The following RNF144B variants were observed in gnomAD, a reference collection of about 807,000 sequenced individuals.
The protein encoded by RNF144B is ring finger protein 144B.
In RNF144B, 25 loss-of-function variants were observed where a neutral mutation model predicts 40.2. That is an observed-to-expected ratio of 0.62 (90% CI 0.45 to 0.87). The LOEUF (loss-of-function observed/expected upper bound fraction) is 0.87, where lower values mean the gene tolerates loss of function less well. Among genes scored for constraint, RNF144B ranks in the 40% least tolerant of loss-of-function variants. The pLI, the probability that RNF144B is intolerant of heterozygous loss-of-function variation, is 0.00. For missense variants in RNF144B, 365 were observed against 373.7 expected (o/e 0.98, Z 0.19); for synonymous variants, 145 against 136.3 (o/e 1.06, Z -0.44).
In RNF144B at chr6:18,458,040, C is replaced by A. The variant is rs1346311895; in HGVS notation, c.536+681C>A. Among the ~76,000 whole-genome samples the A allele has an allele frequency of 2.6e-5, 4 of 151,966 alleles. No individual in the cohort carries two copies. The highest frequency in any genetic ancestry group is 5.9e-5 in the Non-Finnish European group (4 of 68,004). ...GCAACCACTGCCTCCTGGGTTCAAG[C>A]GATTCTCCTGCCTCAGCCTCCCGAT... On this transcript the variant is annotated intron_variant, in intron 5 of 7. Transcript: ENST00000259939. The surrounding 1 kb of genome is among the most constrained non-coding windows in gnomAD (Gnocchi z 4.8).
At chr6:18,417,236 A>G (rs1343520751) in intron 2 of RNF144B, among the ~76,000 whole-genome samples, 1 of 152,164 alleles carries the variant, frequency 6.6e-6, no homozygotes, top group Non-Finnish European at 1.5e-5. Flanking sequence ...TTATCCCAAA[A>G]TTCCTATGGA....
intron 3 of RNF144B, among the ~76,000 whole-genome samples, chr6:18,428,825 A>G (rs4716247): frequency 0.13 from 19,367 of 152,150 alleles, 1,369 homozygotes; most frequent in Admixed American, 0.19. Flanking sequence ...ACCCAAAACC[A>G]CATATCTAGA....
chr6:18,389,343 G>A (rs1023343469), intron 1 of RNF144B, among the ~76,000 whole-genome samples: 1 of 152,172 alleles, frequency 6.6e-6, no homozygotes, highest in Non-Finnish European at 1.5e-5. Context: ...AGAGAGAAGA[G>A]TATGCTCTCT....
In RNF144B at chr6:18,418,474, A is replaced by G. The variant is rs899058902; in HGVS notation, c.166-9107A>G. ...TAAGTGAAGCCATTGACAAAGGACC[A>G]TATATTGTATCATTCCATTTATATG... On this transcript the variant is annotated intron_variant, in intron 2 of 7. Transcript: ENST00000259939. The surrounding 1 kb of genome is among the most constrained non-coding windows in gnomAD (Gnocchi z 5.2). Among the ~76,000 whole-genome samples, 2 of 152,188 alleles carry G rather than the reference A, an allele frequency of 1.3e-5. No individual in the cohort carries two copies. Among genetic ancestry groups the G allele is most frequent in the Non-Finnish European group, 2.9e-5 (2 of 68,020 alleles).
chr6:18,396,348 G>A (rs886252701), intron 1 of RNF144B: 1 of 924,610 alleles, frequency 1.1e-6, no homozygotes, highest in East Asian at 1.2e-4. Context: ...TTTCTAAGAG[G>A]TATCCCAATT....
At chr6:18,455,688 T>C (rs1759307758) in intron 4 of RNF144B, among the ~76,000 whole-genome samples, 1 of 152,126 alleles carries the variant, frequency 6.6e-6, no homozygotes, top group Non-Finnish European at 1.5e-5. Context: ...TTAAAGGTCA[T>C]AGTATATGGA....
Position 18,419,399 on chromosome 6 carries a change from A to G in RNF144B, c.166-8182A>G, listed in dbSNP as rs1795208824. On this transcript the variant is annotated intron_variant, in intron 2 of 7. Coordinates refer to ENST00000259939, the MANE Select transcript of RNF144B (RefSeq NM_182757.4). The surrounding 1 kb of genome is among the most constrained non-coding windows in gnomAD (Gnocchi z 4.6). ...AGCAAATAGGCAGTGGACTAGCACA[A>G]CTGGTTCTATATAGCAAATGAGGCG... Among the ~76,000 whole-genome samples the G allele has an allele frequency of 6.6e-6, 1 of 152,160 alleles. No homozygotes were observed. Among genetic ancestry groups the G allele is most frequent in the South Asian group, 2.1e-4 (1 of 4,828 alleles).
At chr6:18,404,013 C>G (rs1280377990) in intron 2 of RNF144B, among the ~76,000 whole-genome samples, 1 of 152,188 alleles carries the variant, frequency 6.6e-6, no homozygotes, top group Non-Finnish European at 1.5e-5. Flanking sequence ...CAAGCCATTC[C>G]CCAACTAGGT....
rs1015070695 is a variant in RNF144B at position 18,448,281 on chromosome 6, T to C, written c.331+8537T>C. ...GAGGGGAACGGATTTCAGTGCCAGA[T>C]GGAGGGATTGGATTTACTTGGGGGT... On this transcript the variant is annotated intron_variant, in intron 4 of 7. Coordinates refer to ENST00000259939, the MANE Select transcript of RNF144B (RefSeq NM_182757.4). The surrounding 1 kb of genome is among the most constrained non-coding windows in gnomAD (Gnocchi z 4.0). Among the ~76,000 whole-genome samples the C allele has an allele frequency of 3.3e-5, 5 of 151,752 alleles. No homozygotes were observed.
Position 18,458,945 on chromosome 6 carries a change from A to G in RNF144B, c.537-662A>G, listed in dbSNP as rs906079110. On this transcript the variant is annotated intron_variant, in intron 5 of 7. Transcript: ENST00000259939. The surrounding 1 kb of genome is among the most constrained non-coding windows in gnomAD (Gnocchi z 4.8). ...TGTGGACTAGGGATGCTCAACCTGT[A>G]ATAACTGTCTTATGACAATATGAGG... Among the ~76,000 whole-genome samples, 1 of 152,226 alleles carries G rather than the reference A, an allele frequency of 6.6e-6. No homozygotes were observed. Among genetic ancestry groups the G allele is most frequent in the African/African-American group, 2.4e-5 (1 of 41,468 alleles).
chr6:18,447,079 A>T lies in RNF144B; in HGVS notation c.331+7335A>T, dbSNP rs1487085178. ...TGTGTATGTGGGAGGTTAGATAATA[A>T]ATAAATAATATTAGATGGTGGGGGT... On this transcript the variant is annotated intron_variant, in intron 4 of 7. Coordinates refer to ENST00000259939, the MANE Select transcript of RNF144B (RefSeq NM_182757.4). This position sits in a 1 kb window ranked among gnomAD's most constrained non-coding sequence, Gnocchi z 5.6. 2.6e-5 allele frequency among the ~76,000 whole-genome samples: 4 copies of T among 152,114 alleles called. No homozygotes were observed. Among genetic ancestry groups the T allele is most frequent in the African/African-American group, 9.7e-5 (4 of 41,412 alleles).
At position 18,460,144 on chromosome 6, in the gene RNF144B, G is replaced by A. The variant is rs558853392; in HGVS notation, c.681+393G>A. Reference sequence around the variant, plus strand: ...TGGAAGTCTGACATAGGTCTTGCTGGATTAAAATCAAGGTGTCAGCCGGGC... The same window carrying A: ...TGGAAGTCTGACATAGGTCTTGCTGAATTAAAATCAAGGTGTCAGCCGGGC... On this transcript the variant is annotated intron_variant, in intron 6 of 7. Transcript: ENST00000259939. The surrounding 1 kb of genome is among the most constrained non-coding windows in gnomAD (Gnocchi z 4.4). Among the ~76,000 whole-genome samples the A allele has an allele frequency of 5.3e-5, 8 of 152,328 alleles. No individual in the cohort carries two copies. Among genetic ancestry groups the A allele is most frequent in the Non-Finnish European group, 1.0e-4 (7 of 68,032 alleles).
rs1375335846 is a variant in RNF144B at position 18,400,356 on chromosome 6, C to T, written c.165+657C>T. ...CAGGTATTTTAAATGATGGAGAAGT[C>T]AGGTAGTAATTTACTTTATGTACTG... On this transcript the variant is annotated intron_variant, in intron 2 of 7. Transcript: ENST00000259939. This position sits in a 1 kb window ranked among gnomAD's most constrained non-coding sequence, Gnocchi z 5.6. 1.3e-5 allele frequency among the ~76,000 whole-genome samples: 2 copies of T among 152,012 alleles called. No homozygotes were observed. The highest frequency in any genetic ancestry group is 1.3e-4 in the Admixed American group (2 of 15,260).
intron 2 of RNF144B, among the ~76,000 whole-genome samples, chr6:18,407,890 C>T (rs1794945024): frequency 6.6e-6 from 1 of 151,912 alleles, no homozygotes; most frequent in Non-Finnish European, 1.5e-5. Flanking sequence ...CTGTCAATAA[C>T]TCTATGACTC....
At chr6:18,440,982 T>C (rs1274758056) in intron 4 of RNF144B, among the ~76,000 whole-genome samples, 1 of 152,102 alleles carries the variant, frequency 6.6e-6, no homozygotes, top group East Asian at 1.9e-4. Flanking sequence ...AAATAGTTTA[T>C]AATGTTGAAC....
At chr6:18,453,514 A>G (rs187644692) in intron 4 of RNF144B, among the ~76,000 whole-genome samples, 106 of 151,900 alleles carry the variant, frequency 7.0e-4, no homozygotes, top group Non-Finnish European at 1.4e-3. Context: ...ATATTGATTT[A>G]TTTTTTTTAA....
chr6:18,393,737 C>G (rs530883392), intron 1 of RNF144B, among the ~76,000 whole-genome samples: 2 of 152,084 alleles, frequency 1.3e-5, no homozygotes, highest in South Asian at 4.1e-4. Flanking sequence ...ATTAGCTTCC[C>G]GAGAATATGT....
At position 18,414,957 on chromosome 6, in the gene RNF144B, C is replaced by G. The variant is rs745921108; in HGVS notation, c.166-12624C>G. Among the ~76,000 whole-genome samples the G allele has an allele frequency of 3.3e-5, 5 of 152,140 alleles. No homozygotes were observed. Among genetic ancestry groups the G allele is most frequent in the Non-Finnish European group, 7.4e-5 (5 of 68,022 alleles). ...GTTCCAAGCCCCTTCCCACTCCCCA[C>G]CCCAAAGATACCCAAATTCATGAAT... is the stretch of plus-strand genomic sequence containing the variant. On this transcript the variant is annotated intron_variant, in intron 2 of 7. Coordinates refer to ENST00000259939, the MANE Select transcript of RNF144B (RefSeq NM_182757.4). The surrounding 1 kb of genome is among the most constrained non-coding windows in gnomAD (Gnocchi z 4.9).
At chr6:18,399,135 A>G (rs899202183) in intron 1 of RNF144B, among the ~76,000 whole-genome samples, 1 of 152,156 alleles carries the variant, frequency 6.6e-6, no homozygotes, top group Non-Finnish European at 1.5e-5. Context: ...TATACAGTGT[A>G]TTATTACTAA....
Sources: allele counts gnomAD v4.1 joint callset (sites outside exome capture counted in the v4.1 genomes callset), GRCh38; gene constraint gnomAD v4.1.1; non-coding constraint Gnocchi (gnomAD v3.1); transcripts MANE v1.5; gene names NCBI Gene and HGNC (gene_info 2026-07-23, HGNC 2026-07-21).